KCNQ3: variants seen among roughly 807,000 people sequenced by gnomAD.
KCNQ3 encodes potassium voltage-gated channel subfamily Q member 3.
Under a neutral mutation model 92.5 loss-of-function variants are expected in KCNQ3, and 30 were observed. The observed-to-expected ratio is 0.32, with a 90% CI of 0.24 to 0.44. The LOEUF (loss-of-function observed/expected upper bound fraction) is 0.44. Among genes scored for constraint, KCNQ3 ranks in the 20% least tolerant of loss-of-function variants. The pLI is 1.00. For missense variants in KCNQ3, 913 were observed against 1,140.3 expected (o/e 0.80, Z 2.87); for synonymous variants, 450 against 468.8 (o/e 0.96, Z 0.52).
At chr8:132,147,095 A>T (rs1469178353) in intron 9 of KCNQ3, among the ~76,000 whole-genome samples, 1 of 152,228 alleles carries the variant, frequency 6.6e-6, no homozygotes, top group Non-Finnish European at 1.5e-5. Flanking sequence ...AAAACAACAG[A>T]GAGAGACTGA....
At chr8:132,278,027 A>C in intron 1 of KCNQ3, 1 of 985,140 alleles carries the variant, frequency 1.0e-6, no homozygotes, top group South Asian at 4.7e-5. Context: ...ATTCAAGGCT[A>C]CAGAGCTCAG....
At chr8:132,341,420 G>A (rs1440142886) in intron 1 of KCNQ3, among the ~76,000 whole-genome samples, 1 of 152,072 alleles carries the variant, frequency 6.6e-6, no homozygotes, top group African/African-American at 2.4e-5. Context: ...CTTCACTTCT[G>A]AGCTCTTCAT....
At chr8:132,234,572 A>G (rs1350383) in intron 1 of KCNQ3, among the ~76,000 whole-genome samples, 50,714 of 151,920 alleles carry the variant, frequency 0.33, 9,687 homozygotes, top group African/African-American at 0.53. Flanking sequence ...TTTATGAAAC[A>G]CACACTATAT....
intron 1 of KCNQ3, among the ~76,000 whole-genome samples, chr8:132,330,622 G>C (rs985015713): frequency 6.6e-6 from 1 of 152,180 alleles, no homozygotes; most frequent in African/African-American, 2.4e-5. Context: ...AAATGCAAGG[G>C]GTTCTTTTTC....
intron 1 of KCNQ3, among the ~76,000 whole-genome samples, chr8:132,467,835 G>C (rs1000143954): frequency 1.3e-5 from 2 of 152,200 alleles, no homozygotes; most frequent in African/African-American, 4.8e-5. Context: ...GAAGCCAGAG[G>C]AAACAAGACT....
chr8:132,193,605 T>G (rs1827222683), intron 1 of KCNQ3, among the ~76,000 whole-genome samples: 1 of 152,164 alleles, frequency 6.6e-6, no homozygotes, highest in Non-Finnish European at 1.5e-5. Context: ...AGAGTTAAGG[T>G]TGCCAGCCAA....
chr8:132,220,820 ATTT>A, intron 1 of KCNQ3, among the ~76,000 whole-genome samples: 1 of 145,792 alleles, frequency 6.9e-6, no homozygotes, highest in Non-Finnish European at 1.5e-5. Context: ...ACTTTTTTTT[ATTT>A]TTTTTATTAT....
At chr8:132,390,908 C>G (rs2130769994) in intron 1 of KCNQ3, among the ~76,000 whole-genome samples, 1 of 152,274 alleles carries the variant, frequency 6.6e-6, no homozygotes, top group South Asian at 2.1e-4. Flanking sequence ...CAAACACTTT[C>G]AAAATGTTAT....
At chr8:132,409,751 C>T (rs1820598811) in intron 1 of KCNQ3, among the ~76,000 whole-genome samples, 1 of 152,170 alleles carries the variant, frequency 6.6e-6, no homozygotes, top group Non-Finnish European at 1.5e-5. Context: ...AGAGTCAGTG[C>T]ATATTGAAAT....
chr8:132,215,405 A>T (rs1198237472), intron 1 of KCNQ3, among the ~76,000 whole-genome samples: 1 of 152,242 alleles, frequency 6.6e-6, no homozygotes, highest in African/African-American at 2.4e-5. Context: ...GCAACATAAT[A>T]TGTAAGGGCA....
intron 1 of KCNQ3, among the ~76,000 whole-genome samples, chr8:132,209,154 G>A (rs1813769533): frequency 6.6e-6 from 1 of 152,150 alleles, no homozygotes; most frequent in Non-Finnish European, 1.5e-5. Flanking sequence ...CACACTGGGA[G>A]CAATTCTAAC....
chr8:132,348,756 C>T (rs1818770829), intron 1 of KCNQ3, among the ~76,000 whole-genome samples: 1 of 152,194 alleles, frequency 6.6e-6, no homozygotes. Context: ...AAAGTGACTC[C>T]TTCTTGACTT....
chr8:132,299,980 C>T (rs1485795396), intron 1 of KCNQ3, among the ~76,000 whole-genome samples: 1 of 152,218 alleles, frequency 6.6e-6, no homozygotes, highest in East Asian at 1.9e-4. Flanking sequence ...TCTATTTCAG[C>T]ACCTCTGGTG....
rs74640641 is a variant in KCNQ3 at position 132,465,272 on chromosome 8, T to C, written c.386+14875A>G. On this transcript the variant is annotated intron_variant, in intron 1 of 14. Transcript: ENST00000388996. ...TAATGTTTCTCACATTATAAATTAG[T>C]TAAGATTCTTCATTCTTTGAAAGTA... is the stretch of plus-strand genomic sequence containing the variant. Among the ~76,000 whole-genome samples, 647 of 152,308 alleles carry C rather than the reference T, an allele frequency of 4.2e-3. 3 individuals are homozygous for C. The highest frequency in any genetic ancestry group is 0.014 in the African/African-American group (598 of 41,570).
chr8:132,207,645 T>C (rs1382987543), intron 1 of KCNQ3, among the ~76,000 whole-genome samples: 1 of 152,060 alleles, frequency 6.6e-6, no homozygotes, highest in Non-Finnish European at 1.5e-5. Context: ...GAGACTTTTT[T>C]CACTCAGATA....
chr8:132,460,297 C>A (rs28855224), intron 1 of KCNQ3, among the ~76,000 whole-genome samples: 4,152 of 152,228 alleles, frequency 0.027, 345 homozygotes, highest in East Asian at 0.25. Context: ...ATAGCCCATG[C>A]ATATACACAT....
chr8:132,455,500 C>G (rs1821919099), intron 1 of KCNQ3, among the ~76,000 whole-genome samples: 1 of 152,134 alleles, frequency 6.6e-6, no homozygotes, highest in African/African-American at 2.4e-5. Context: ...TCTTGGGTGC[C>G]CCAGTATTAC....
intron 1 of KCNQ3, among the ~76,000 whole-genome samples, chr8:132,384,267 T>C (rs2130759814): frequency 1.3e-5 from 2 of 152,304 alleles, no homozygotes; most frequent in South Asian, 4.1e-4. Context: ...CATCTCCTAG[T>C]ACTGTGTCTG....
At chr8:132,193,711 G>C (rs1028531230) in intron 1 of KCNQ3, among the ~76,000 whole-genome samples, 2 of 152,166 alleles carry the variant, frequency 1.3e-5, no homozygotes, top group Non-Finnish European at 2.9e-5. Flanking sequence ...TTACTCCTGA[G>C]AGCAACACTG....
Sources: gnomAD v4.1 joint callset for allele counts (sites outside exome capture counted in the v4.1 genomes callset) on GRCh38, gnomAD v4.1.1 for gene constraint, MANE v1.5 for transcripts, NCBI Gene and HGNC (gene_info 2026-07-23, HGNC 2026-07-21) for gene names.